COA1: variants seen among roughly 807,000 people sequenced by gnomAD.
COA1 encodes the protein cytochrome c oxidase assembly factor 1 homolog.
A neutral mutation model predicts 16.0 loss-of-function variants in COA1; 13 were observed. The observed-to-expected ratio is 0.81, with a 90% CI of 0.53 to 1.29. The LOEUF is 1.29. COA1 is among the 50% of genes most tolerant of loss of function. The pLI is 0.00. For missense variants in COA1, 179 were observed against 177.0 expected (o/e 1.01, Z -0.06); for synonymous variants, 65 against 65.7 (o/e 0.99, Z 0.05).
At chr7:43,677,030 C>G (rs1255536998) in intron 1 of COA1, among the ~76,000 whole-genome samples, 1 of 152,180 alleles carries the variant, frequency 6.6e-6, no homozygotes, top group Non-Finnish European at 1.5e-5. Context: ...TGGGGTGGGT[C>G]TCTTCATCCT....
chr7:43,679,004 C>A (rs568267245), intron 1 of COA1, among the ~76,000 whole-genome samples: 1 of 152,080 alleles, frequency 6.6e-6, no homozygotes, highest in Non-Finnish European at 1.5e-5. Flanking sequence ...GAGGGCCAGG[C>A]GTGGTGGCTC....
chr7:43,698,220 G>A (rs553781263), intron 1 of COA1, among the ~76,000 whole-genome samples: 1 of 152,284 alleles, frequency 6.6e-6, no homozygotes, highest in East Asian at 1.9e-4. Context: ...TTAGCCAGTA[G>A]GTAAATCAGA....
chr7:43,654,578 A>G (rs191783493), intron 1 of COA1, among the ~76,000 whole-genome samples: 194 of 147,202 alleles, frequency 1.3e-3, no homozygotes, highest in African/African-American at 4.6e-3. Context: ...TCAGGAAGTT[A>G]TTGAAAAAAA....
intron 6 of COA1, chr7:43,631,180 T>C (rs1273507560): frequency 1.3e-5 from 2 of 152,182 alleles, no homozygotes; most frequent in African/African-American, 2.4e-5. Context: ...AATGTTTTTA[T>C]TACCCCATCA....
At chr7:43,714,932 G>A (rs1356989145) in intron 1 of COA1, among the ~76,000 whole-genome samples, 2 of 149,138 alleles carry the variant, frequency 1.3e-5, no homozygotes, top group African/African-American at 2.5e-5. Flanking sequence ...ACTTGAGCCC[G>A]GGAGGTAGCA....
rs1446331191 is a variant in COA1, at chr7:43,691,429, G to A, written c.-39+38000C>T. ...GAAGGAAGGAAGAAAGAAAAAGAAAGAAAGAAAGAAAGAAAGAAAGAAAGA... is the reference window on the plus strand; with the variant it reads ...GAAGGAAGGAAGAAAGAAAAAGAAAAAAAGAAAGAAAGAAAGAAAGAAAGA... On this transcript the variant is annotated intron_variant, in intron 1 of 5. Transcript: ENST00000223336. Among the ~76,000 whole-genome samples the A allele has an allele frequency of 7.0e-4, 41 of 58,672 alleles. 2 individuals are homozygous for A. The highest frequency in any genetic ancestry group is 2.6e-3 in the African/African-American group (37 of 14,138). The allele number at this position is 58,672 out of a possible 152,430, so 38.5% of individuals were successfully genotyped here. A position where few individuals can be genotyped will look rare whatever the true frequency, so the allele number is the denominator to read the frequency against.
intron 6 of COA1, among the ~76,000 whole-genome samples, chr7:43,610,880 G>A (rs541121371): frequency 1.7e-4 from 26 of 152,256 alleles, no homozygotes; most frequent in Admixed American, 3.9e-4. Context: ...ACTTTGGGAG[G>A]TCAAGGAGGG....
chr7:43,638,561 CTTTCCTTTTTTT>C (rs1431032948), downstream of COA1, among the ~76,000 whole-genome samples: 2 of 110,946 alleles, frequency 1.8e-5, no homozygotes, highest in Admixed American at 9.6e-5. Context: ...CCTTCTTTTT[CTTTCCTTTTTTT>C]TTTTTTTTTT....
chr7:43,624,876 CATTGAAAATGTTAATATTATTT>C, intron 6 of COA1: 1 of 1,532,070 alleles, frequency 6.5e-7, no homozygotes, highest in Non-Finnish European at 8.8e-7. Context: ...AAGATTTCTA[CATTGAAAATGTTAATATTATTT>C]ATGGACCTCT....
chr7:43,694,328 T>C (rs930375866), intron 1 of COA1, among the ~76,000 whole-genome samples: 2 of 151,944 alleles, frequency 1.3e-5, no homozygotes, highest in Admixed American at 1.3e-4. Context: ...TACTCCTCTT[T>C]GGAAAGAAAC....
At chr7:43,618,841 G>A (rs942819746) in intron 6 of COA1, among the ~76,000 whole-genome samples, 2 of 152,078 alleles carry the variant, frequency 1.3e-5, no homozygotes, top group Non-Finnish European at 2.9e-5. Flanking sequence ...GAGAACTTAG[G>A]GTAGAAGTCA....
intron 1 of COA1, among the ~76,000 whole-genome samples, chr7:43,729,108 A>C (rs1046329577): frequency 6.6e-6 from 1 of 152,256 alleles, no homozygotes; most frequent in Admixed American, 6.5e-5. Flanking sequence ...AAAAGTGCCC[A>C]GTCCCAACTC....
intron 1 of COA1, among the ~76,000 whole-genome samples, chr7:43,728,913 C>T (rs1029921029): frequency 7.9e-5 from 12 of 152,212 alleles, no homozygotes; most frequent in African/African-American, 2.9e-4. Flanking sequence ...CTGATATATA[C>T]ATAAATACAT....
At position 43,640,614 on chromosome 7, in the gene COA1, G is replaced by T. The variant is rs751685362; in HGVS notation, c.300C>A (p.Gly100=). Residue 100 remains glycine (G), a synonymous_variant, in exon 5 of 6, where the codon GGC becomes GGA. Coordinates refer to ENST00000223336, the MANE Select transcript of COA1 (RefSeq NM_018224.4). ...KIPVSGSKSE[G]LLYVHSSRGG... ...CTCTGGATGAGTGGACGTAGAGAAG[G>T]CCCTCTGATTTGGATCCAGAGACAG... The T allele has an allele frequency of 4.8e-5, 77 of 1,608,132 alleles. No homozygotes were observed. Among genetic ancestry groups the T allele is most frequent in the Non-Finnish European group, 6.1e-5 (72 of 1,177,730 alleles).
intron 1 of COA1, among the ~76,000 whole-genome samples, chr7:43,651,687 C>T (rs1426313909): frequency 5.7e-5 from 6 of 105,010 alleles, no homozygotes; most frequent in African/African-American, 2.1e-4. Flanking sequence ...ACAGGAAGAG[C>T]TTAAAAAAAA....
At chr7:43,695,129 G>A (rs560321656) in intron 1 of COA1, among the ~76,000 whole-genome samples, 6 of 152,240 alleles carry the variant, frequency 3.9e-5, no homozygotes, top group African/African-American at 9.6e-5. Context: ...TAACAGCAGC[G>A]TCCTGACAAA....
chr7:43,726,673 A>T (rs1330263359), intron 1 of COA1, among the ~76,000 whole-genome samples: 1 of 152,090 alleles, frequency 6.6e-6, no homozygotes, highest in African/African-American at 2.4e-5. Flanking sequence ...GAAAACCATC[A>T]CTCTCTAAAC....
intron 1 of COA1, among the ~76,000 whole-genome samples, chr7:43,691,406 AGG>A (rs756479308): frequency 1.4e-4 from 16 of 115,852 alleles, no homozygotes; most frequent in Non-Finnish European, 1.7e-4. Context: ...GAAGGAAGGA[AGG>A]AAGGAAGAAA....
chr7:43,695,858 A>G (rs1374708285), intron 1 of COA1, among the ~76,000 whole-genome samples: 1 of 152,228 alleles, frequency 6.6e-6, no homozygotes. Flanking sequence ...TTCTGCATAT[A>G]TATCCTAGAC....
Sources: allele counts gnomAD v4.1 joint callset (sites outside exome capture counted in the v4.1 genomes callset), GRCh38; gene constraint gnomAD v4.1.1; transcripts MANE v1.5; gene names NCBI Gene and HGNC (gene_info 2026-07-23, HGNC 2026-07-21).